The following EML6 variants were observed in gnomAD, a reference collection of about 807,000 sequenced individuals.
EML6 encodes the protein echinoderm microtubule-associated protein-like 6.
In EML6, 154 loss-of-function variants were observed where a neutral mutation model predicts 240.1. That is an observed-to-expected ratio of 0.64 (90% confidence interval 0.56 to 0.73). The LOEUF is 0.73. EML6 is among the 30% of genes least tolerant of loss of function. The pLI, the probability that EML6 is intolerant of heterozygous loss-of-function variation, is 0.00. For missense variants in EML6, 2,964 were observed against 2,474.6 expected (o/e 1.20, Z -4.20); for synonymous variants, 1,148 against 899.0 (o/e 1.28, Z -4.95).
At chr2:54,805,437 G>C (rs1225859579) in intron 2 of EML6, among the ~76,000 whole-genome samples, 1 of 152,168 alleles carries the variant, frequency 6.6e-6, no homozygotes, top group Admixed American at 6.5e-5. Context: ...ATGCATTCCA[G>C]TTGCCCTGTG....
intron 2 of EML6, among the ~76,000 whole-genome samples, chr2:54,784,780 G>A (rs769257063): frequency 2.0e-5 from 3 of 151,948 alleles, no homozygotes; most frequent in Non-Finnish European, 4.4e-5. Flanking sequence ...ACCCATCATC[G>A]AGGTATTAAG....
At chr2:54,939,491 C>T (rs1253818440) in intron 28 of EML6, among the ~76,000 whole-genome samples, 1 of 152,226 alleles carries the variant, frequency 6.6e-6, no homozygotes, top group African/African-American at 2.4e-5. Flanking sequence ...CCAACAGTCC[C>T]CATGGACGAG....
intron 2 of EML6, among the ~76,000 whole-genome samples, chr2:54,768,246 CA>C (rs1202878422): frequency 4.6e-5 from 7 of 152,018 alleles, no homozygotes; most frequent in Admixed American, 4.6e-4. Context: ...TCAGGGATGC[CA>C]TTCCTTTATG....
intron 10 of EML6, among the ~76,000 whole-genome samples, 152 bp from the exon 11 acceptor site, chr2:54,853,491 C>CA (rs1434239151): frequency 3.0e-4 from 45 of 150,246 alleles, no homozygotes; most frequent in African/African-American, 8.3e-4. Flanking sequence ...TTAAGCCACG[C>CA]AAAAAAAGAA....
intron 2 of EML6, among the ~76,000 whole-genome samples, chr2:54,767,295 A>G (rs1433444113): frequency 6.6e-6 from 1 of 152,222 alleles, no homozygotes; most frequent in East Asian, 1.9e-4. Context: ...CAGGGAAAAA[A>G]TGCCTAGATT....
chr2:54,793,006 A>T (rs1196632834), intron 2 of EML6, among the ~76,000 whole-genome samples: 1 of 152,152 alleles, frequency 6.6e-6, no homozygotes, highest in African/African-American at 2.4e-5. Flanking sequence ...AGTGGCTCTC[A>T]ACTATAATCT....
chr2:54,825,982 C>G (rs760207425), intron 5 of EML6, among the ~76,000 whole-genome samples: 5 of 152,204 alleles, frequency 3.3e-5, no homozygotes, highest in Non-Finnish European at 5.9e-5. Context: ...AAGTCCTACT[C>G]TTGTTCATTC....
rs1404546942 is a variant in EML6, at chr2:54,844,228, C to G, written c.1029C>G (p.Gly343=). Residue 343 remains glycine (G), a synonymous_variant, in exon 8 of 42, where the codon GGC becomes GGG. Transcript: ENST00000356458. ...CCAAGAAGCCTCTGGCTGTGACAGG[C>G]AGCGATGACCGCTCTGTCAGGTGAG... ...LHPKKPLAVT[G]SDDRSVRLWS... 1.0e-5 allele frequency: 16 copies of G among 1,551,464 alleles called. No homozygotes were observed. Among genetic ancestry groups the G allele is most frequent in the Non-Finnish European group, 1.4e-5 (16 of 1,146,890 alleles).
chr2:54,792,773 C>T (rs1248303829), intron 2 of EML6, among the ~76,000 whole-genome samples: 1 of 152,086 alleles, frequency 6.6e-6, no homozygotes, highest in Non-Finnish European at 1.5e-5. Flanking sequence ...TAGAAATACG[C>T]TATAGAAATA....
intron 2 of EML6, among the ~76,000 whole-genome samples, chr2:54,784,172 T>C (rs1347320955): frequency 6.6e-6 from 1 of 152,136 alleles, no homozygotes; most frequent in Non-Finnish European, 1.5e-5. Context: ...TCTCAAACTC[T>C]TGGGCTCAAA....
At chr2:54,790,714 C>G (rs1246660487) in intron 2 of EML6, among the ~76,000 whole-genome samples, 1 of 144,224 alleles carries the variant, frequency 6.9e-6, no homozygotes, top group Non-Finnish European at 1.5e-5. Context: ...ACATTGGTAA[C>G]TTAATTTTCC....
At chr2:54,797,168 A>AAAAAAAAAAAAAAAAAAAAAAAAC (rs1669841546) in intron 2 of EML6, among the ~76,000 whole-genome samples, 3 of 125,974 alleles carry the variant, frequency 2.4e-5, no homozygotes, top group Non-Finnish European at 5.4e-5. Context: ...CCATCTCAAA[A>AAAAAAAAAAAAAAAAAAAAAAAAC]AAAAAAAAAA....
chr2:54,873,957 A>G lies in EML6; in HGVS notation c.2344+2352A>G, dbSNP rs566189479. ...AATTGAACTCAAAATACCATCTATC[A>G]CTGACTGCAAATGAGAATGTGCATA... On this transcript the variant is annotated intron_variant, in intron 16 of 41. Coordinates refer to ENST00000356458, the MANE Select transcript of EML6 (RefSeq NM_001039753.4). Among the ~76,000 whole-genome samples the G allele has an allele frequency of 3.9e-5, 6 of 152,048 alleles. No homozygotes were observed. The South Asian group carries it at 6.2e-4, about 16-fold the overall frequency.
At chr2:54,754,279 G>C (rs1038981030) in intron 2 of EML6, among the ~76,000 whole-genome samples, 1 of 152,006 alleles carries the variant, frequency 6.6e-6, no homozygotes, top group African/African-American at 2.4e-5. Context: ...CACCTGTCTT[G>C]AAAATCTGAC....
intron 4 of EML6, 64 bp from the exon 5 acceptor site, chr2:54,820,330 A>G: frequency 1.1e-6 from 1 of 897,822 alleles, no homozygotes; most frequent in South Asian, 1.5e-5. Context: ...CAATTGGACT[A>G]GTATTGGGAA....
At chr2:54,882,640 C>G (rs552222074) in intron 17 of EML6, 2 of 151,976 alleles carry the variant, frequency 1.3e-5, no homozygotes, top group Admixed American at 6.6e-5. Context: ...GTGCGGATCA[C>G]GAGGTCAGGA....
At chr2:54,726,414 C>G (rs1446672529) in intron 2 of EML6, among the ~76,000 whole-genome samples, 1 of 150,890 alleles carries the variant, frequency 6.6e-6, no homozygotes, top group Non-Finnish European at 1.5e-5. Flanking sequence ...CTTTTTTTTC[C>G]CTTCCTAATG....
intron 10 of EML6, among the ~76,000 whole-genome samples, chr2:54,852,120 C>T (rs1158442634): frequency 6.6e-6 from 1 of 152,126 alleles, no homozygotes; most frequent in Non-Finnish European, 1.5e-5. Context: ...GTTTTAGTCC[C>T]AGATCTTTGT....
In EML6 at chr2:54,948,069, C is replaced by T. The variant is rs532286702; in HGVS notation, c.4005-813C>T. Among the ~76,000 whole-genome samples, 35 of 152,254 alleles carry T rather than the reference C, an allele frequency of 2.3e-4. No individual in the cohort carries two copies. The East Asian group carries it at 6.4e-3, about 28-fold the overall frequency. On this transcript the variant is annotated intron_variant, in intron 28 of 41. Transcript: ENST00000356458. ...CAATAACTAATTACTTTGGAACATG[C>T]GGTGGGAGCTGGTACAGTTCTTTCT...
Sources: gnomAD v4.1 joint callset for allele counts (sites outside exome capture counted in the v4.1 genomes callset) on GRCh38, gnomAD v4.1.1 for gene constraint, MANE v1.5 for transcripts, NCBI Gene and HGNC (gene_info 2026-07-23, HGNC 2026-07-21) for gene names.